ENTPD5: variants seen among roughly 807,000 people sequenced by gnomAD.
ENTPD5 encodes the protein nucleoside diphosphate phosphatase ENTPD5.
A neutral mutation model predicts 60.2 loss-of-function variants in ENTPD5; 49 were observed. The ratio of observed to expected loss-of-function variants is 0.81; its 90% CI spans 0.65 to 1.03. ENTPD5 has a LOEUF of 1.03. Ranked by LOEUF, ENTPD5 falls within the 50% of genes least tolerant of loss-of-function variation. ENTPD5 has a pLI of 0.00. For synonymous variants in ENTPD5, 187 were observed against 185.4 expected (o/e 1.01, Z -0.07); for missense variants, 480 against 507.6 (o/e 0.95, Z 0.52).
chr14:73,975,302 A>G (rs1460891638), intron 10 of ENTPD5, among the ~76,000 whole-genome samples: 1 of 152,038 alleles, frequency 6.6e-6, no homozygotes, highest in Non-Finnish European at 1.5e-5. Flanking sequence ...ATCACATTCC[A>G]GGCTGGATTC....
In ENTPD5 at chr14:73,975,990, C is replaced by T. The variant is rs542432583; in HGVS notation, c.668G>A (p.Gly223Asp). 1.2e-6 allele frequency: 2 copies of T among 1,613,398 alleles called. No homozygotes were observed. Among genetic ancestry groups the T allele is most frequent in the Non-Finnish European group, 1.7e-6 (2 of 1,179,856 alleles). Residue 223 changes from glycine (G) to aspartate (D), a missense_variant, in exon 10 of 16, where the codon GGC (glycine) becomes GAC (aspartate). Gly to Asp is a moderately conservative substitution (Grantham distance 94, BLOSUM62 -1). Transcript: ENST00000334696. ...FEKTLEQTPRGYLTSFEMFNS... is the reference protein window; with the variant it reads ...FEKTLEQTPRDYLTSFEMFNS... ...AAACATCTCAAAGGAAGTGAGGTAG[C>T]CCCTAGGAGTTTGTTCCAGAGTTTT...
At chr14:73,959,385 G>C (rs781490593), downstream of ENTPD5, 10 of 1,614,048 alleles carry the variant, frequency 6.2e-6, no homozygotes, top group South Asian at 2.2e-5. Context: ...CAGAGTCTTA[G>C]CCGTTGGTAT....
chr14:73,984,333 G>C (rs2057812989), intron 5 of ENTPD5, among the ~76,000 whole-genome samples: 1 of 152,224 alleles, frequency 6.6e-6, no homozygotes, highest in Non-Finnish European at 1.5e-5. Flanking sequence ...GTTTCCTCAA[G>C]TGTGGGATGG....
At chr14:73,983,299 AG>A in intron 5 of ENTPD5, 138 bp from the exon 6 acceptor site, 1 of 852,792 alleles carries the variant, frequency 1.2e-6, no homozygotes, top group African/African-American at 1.7e-5. Context: ...CTGTAGCAGG[AG>A]AAACCTAGAG....
At chr14:73,993,139 C>A (rs2058206173) in intron 3 of ENTPD5, among the ~76,000 whole-genome samples, 1 of 152,072 alleles carries the variant, frequency 6.6e-6, no homozygotes, top group Non-Finnish European at 1.5e-5. Context: ...GAGTTCGAGA[C>A]CAGCTTGGGC....
In ENTPD5 at chr14:74,004,239, C is replaced by T. The variant is rs1432871878; in HGVS notation, c.-71+6852G>A. On this transcript the variant is annotated intron_variant, in intron 3 of 15. Transcript: ENST00000334696. ...TTGCAGTGCAGTGGCGTGATCTTGG[C>T]TCACTGCAACCTCTGCCTCCTGGGT... is the stretch of plus-strand genomic sequence containing the variant. 2.6e-5 allele frequency among the ~76,000 whole-genome samples: 4 copies of T among 152,216 alleles called. No individual in the cohort carries two copies. In the East Asian group the frequency reaches 7.7e-4, roughly 29 times the overall value.
intron 1 of ENTPD5, among the ~76,000 whole-genome samples, chr14:74,017,151 T>A (rs1292701050): frequency 3.9e-5 from 6 of 152,118 alleles, no homozygotes; most frequent in African/African-American, 1.4e-4. Context: ...AAACCCCGTG[T>A]CTACTAAAAT....
intron 3 of ENTPD5, among the ~76,000 whole-genome samples, chr14:73,989,832 C>CAAAAAAAA (rs57558687): frequency 1.9e-5 from 1 of 52,338 alleles, no homozygotes; most frequent in African/African-American, 8.5e-5. Flanking sequence ...GACTCAGTCT[C>CAAAAAAAA]AAAAAAAAAA....
chr14:73,958,474 C>A, downstream of ENTPD5: 1 of 1,433,070 alleles, frequency 7.0e-7, no homozygotes, highest in Non-Finnish European at 9.2e-7. Context: ...ATCTCATGGG[C>A]CGTCTTAGGT....
At chr14:73,990,500 A>G (rs1206500344) in intron 3 of ENTPD5, among the ~76,000 whole-genome samples, 1 of 150,652 alleles carries the variant, frequency 6.6e-6, no homozygotes, top group Admixed American at 6.6e-5. Context: ...ATACCTGGCT[A>G]TTTTTTTTAT....
chr14:73,987,550 G>A (rs2140636535), intron 4 of ENTPD5, among the ~76,000 whole-genome samples: 1 of 152,190 alleles, frequency 6.6e-6, no homozygotes, highest in Non-Finnish European at 1.5e-5. Flanking sequence ...GCACAAGCCT[G>A]TAGTCTCAAC....
At chr14:74,006,502 C>A (rs894763462) in intron 3 of ENTPD5, among the ~76,000 whole-genome samples, 1 of 151,660 alleles carries the variant, frequency 6.6e-6, no homozygotes, top group Admixed American at 6.6e-5. Context: ...CCAGGATGGT[C>A]TCGATCTCCT....
At chr14:73,955,447 G>T, downstream of ENTPD5, 3 of 1,613,802 alleles carry the variant, frequency 1.9e-6, no homozygotes, top group East Asian at 6.7e-5. Flanking sequence ...CCTTTCTTTT[G>T]TAGGTTTTGG....
At chr14:74,001,218 T>C (rs968478217) in intron 3 of ENTPD5, among the ~76,000 whole-genome samples, 1 of 151,424 alleles carries the variant, frequency 6.6e-6, no homozygotes, top group Non-Finnish European at 1.5e-5. Context: ...ATTAGCAGGG[T>C]GTGTCTGGGC....
intron 3 of ENTPD5, among the ~76,000 whole-genome samples, chr14:74,003,725 G>A (rs1430170076): frequency 4.0e-5 from 6 of 151,880 alleles, no homozygotes; most frequent in African/African-American, 7.2e-5. Context: ...ACTTGTGGCC[G>A]AGTATAACAA....
chr14:74,001,072 G>C (rs1385592362), intron 3 of ENTPD5, among the ~76,000 whole-genome samples: 3 of 151,974 alleles, frequency 2.0e-5, no homozygotes, highest in African/African-American at 7.3e-5. Context: ...ATTAAAAATA[G>C]CGAGGCCAGG....
At position 73,963,325 on chromosome 14, in the gene ENTPD5, G is replaced by GT. The variant is rs1474398604; in HGVS notation, c.*3602dup. 1 of 441,766 alleles carries GT rather than the reference G, an allele frequency of 2.3e-6. No individual in the cohort carries two copies. The highest frequency in any genetic ancestry group is 2.0e-5 in the African/African-American group (1 of 49,638). 27.4% of individuals were successfully genotyped at this position (441,766 alleles called of 1,614,324 possible). A position where few individuals can be genotyped will look rare whatever the true frequency, so the allele number is the denominator to read the frequency against. ...TTTCTAAAGAGAAAATTTACATTTT[G>GT]TTTTTGTTTTAATGTTGGTCATAAA... On this transcript the variant is annotated 3_prime_UTR_variant, in exon 16 of 16. Coordinates refer to ENST00000334696, the MANE Select transcript of ENTPD5 (RefSeq NM_001249.5).
At position 73,964,032 on chromosome 14, in the gene ENTPD5, T is replaced by C. The variant is rs1255671544; in HGVS notation, c.*2896A>G. On this transcript the variant is annotated 3_prime_UTR_variant, in exon 16 of 16. Transcript: ENST00000334696. Reference sequence around the variant, plus strand: ...AAAAAGAATTAAAGATGGCAGCTGCTGTGAAAAGCTGTGTGACTCCTGGCG... The same window carrying C: ...AAAAAGAATTAAAGATGGCAGCTGCCGTGAAAAGCTGTGTGACTCCTGGCG... The C allele has an allele frequency of 2.6e-5, 4 of 152,176 alleles. No homozygotes were observed. The highest frequency in any genetic ancestry group is 5.9e-5 in the Non-Finnish European group (4 of 68,032). 9.4% of individuals were successfully genotyped at this position (152,176 alleles called of 1,614,324 possible).
chr14:74,007,426 CAGA>C (rs747871075), intron 3 of ENTPD5, among the ~76,000 whole-genome samples: 10 of 151,772 alleles, frequency 6.6e-5, no homozygotes, highest in African/African-American at 9.7e-5. Context: ...GAGGCCGTGG[CAGA>C]AGAAATTGCT....
Sources: gnomAD v4.1 joint callset for allele counts (sites outside exome capture counted in the v4.1 genomes callset) on GRCh38, gnomAD v4.1.1 for gene constraint, MANE v1.5 for transcripts, NCBI Gene and HGNC (gene_info 2026-07-23, HGNC 2026-07-21) for gene names.